The following HTR1F variants were observed in gnomAD, a reference collection of about 807,000 sequenced individuals.
The protein encoded by HTR1F is 5-hydroxytryptamine (serotonin) receptor 1F, G protein-coupled.
HTR1F carries 17 observed loss-of-function variants against 24.0 expected under a neutral mutation model. The observed-to-expected ratio is 0.71, with a 90% CI of 0.48 to 1.06. The LOEUF is 1.06. HTR1F is among the 50% of genes least tolerant of loss of function. The pLI, the probability that HTR1F is intolerant of heterozygous loss-of-function variation, is 0.00. For synonymous variants in HTR1F, 186 were observed against 156.8 expected (o/e 1.19, Z -1.39); for missense variants, 391 against 427.8 (o/e 0.91, Z 0.76).
At chr3:87,897,913 C>G (rs1458886498) in intron 2 of HTR1F, among the ~76,000 whole-genome samples, 3 of 152,036 alleles carry the variant, frequency 2.0e-5, no homozygotes, top group Non-Finnish European at 4.4e-5. Flanking sequence ...TTATACTTAT[C>G]TCACTATGTT....
At chr3:87,961,795 T>C (rs1040802989) in intron 2 of HTR1F, among the ~76,000 whole-genome samples, 10 of 120,486 alleles carry the variant, frequency 8.3e-5, no homozygotes, top group African/African-American at 4.2e-4. Context: ...AGAGAGGTAA[T>C]AAGATCTAAA....
chr3:87,822,559 G>A (rs778239543), intron 2 of HTR1F, among the ~76,000 whole-genome samples: 1 of 152,018 alleles, frequency 6.6e-6, no homozygotes, highest in African/African-American at 2.4e-5. Context: ...TATATAATTT[G>A]GCAGGGTGAT....
In HTR1F at chr3:87,818,692, A is replaced by G. The variant is rs567842920; in HGVS notation, c.-159-3316A>G. Among the ~76,000 whole-genome samples, 11 of 152,304 alleles carry G rather than the reference A, an allele frequency of 7.2e-5. No individual in the cohort carries two copies. In the East Asian group the frequency reaches 2.1e-3, roughly 29 times the overall value. On this transcript the variant is annotated intron_variant, in intron 1 of 2. Transcript: ENST00000319595. ...TTCCCCTGTTTACCCATCCACAGGTATATCTTATCAAGTCTAGAGGCCAAA... is the reference window on the plus strand; with the variant it reads ...TTCCCCTGTTTACCCATCCACAGGTGTATCTTATCAAGTCTAGAGGCCAAA...
intron 2 of HTR1F, among the ~76,000 whole-genome samples, chr3:87,915,985 C>T (rs981432701): frequency 6.6e-6 from 1 of 152,014 alleles, no homozygotes; most frequent in Non-Finnish European, 1.5e-5. Context: ...TAAAGGAAAA[C>T]CTATCAGATT....
At chr3:87,895,244 T>C (rs1274275359) in intron 2 of HTR1F, among the ~76,000 whole-genome samples, 6 of 152,158 alleles carry the variant, frequency 3.9e-5, no homozygotes, top group East Asian at 1.9e-4. Flanking sequence ...TGAAATAATA[T>C]GTGTGTAAAT....
rs1441715012 is a variant in HTR1F, at chr3:87,992,024, C to G, written c.*174C>G. ...TGTGAATATAAAAGTTATTGATCAC[C>G]ACTATTCTAGGGTATTCAAAATTAG... On this transcript the variant is annotated 3_prime_UTR_variant, in exon 3 of 3. Transcript: ENST00000319595. The G allele has an allele frequency of 5.8e-6, 3 of 514,590 alleles. No individual in the cohort carries two copies. The highest frequency in any genetic ancestry group is 2.0e-5 in the African/African-American group (1 of 50,714). The allele number at this position is 514,590 out of a possible 1,614,324, so 31.9% of individuals were successfully genotyped here. A position where few individuals can be genotyped will look rare whatever the true frequency, so the allele number is the denominator to read the frequency against.
At chr3:87,913,243 A>G (rs1703819957) in intron 2 of HTR1F, among the ~76,000 whole-genome samples, 1 of 152,156 alleles carries the variant, frequency 6.6e-6, no homozygotes, top group African/African-American at 2.4e-5. Flanking sequence ...ACATTAAAAG[A>G]CAGAAAATAG....
At chr3:87,908,155 A>T (rs1703705214) in intron 2 of HTR1F, among the ~76,000 whole-genome samples, 1 of 152,056 alleles carries the variant, frequency 6.6e-6, no homozygotes, top group South Asian at 2.1e-4. Flanking sequence ...CAGAGATTTT[A>T]TTCAAGTTGA....
chr3:87,931,638 T>C (rs1460197131), intron 2 of HTR1F, among the ~76,000 whole-genome samples: 1 of 152,134 alleles, frequency 6.6e-6, no homozygotes, highest in South Asian at 2.1e-4. Flanking sequence ...ACTTCCACAA[T>C]GGTTGAACTA....
intron 2 of HTR1F, among the ~76,000 whole-genome samples, chr3:87,969,104 C>T (rs972202688): frequency 2.0e-5 from 3 of 152,236 alleles, no homozygotes; most frequent in African/African-American, 7.2e-5. Context: ...TGGATGTCCA[C>T]CCAGAAGTTT....
chr3:87,910,450 A>G (rs182141813), intron 2 of HTR1F: 2 of 152,070 alleles, frequency 1.3e-5, no homozygotes, highest in African/African-American at 4.8e-5. Flanking sequence ...CACCCAACAC[A>G]GAAGCACCCA....
At chr3:87,921,760 C>T (rs1216834418) in intron 2 of HTR1F, among the ~76,000 whole-genome samples, 7 of 151,786 alleles carry the variant, frequency 4.6e-5, no homozygotes, top group South Asian at 2.1e-4. Flanking sequence ...AACAACTATT[C>T]GAATCTCTAC....
At chr3:87,817,710 C>G (rs559567695) in intron 1 of HTR1F, among the ~76,000 whole-genome samples, 21 of 152,162 alleles carry the variant, frequency 1.4e-4, no homozygotes, top group African/African-American at 3.6e-4. Context: ...CTTTTAGATG[C>G]CTTTACTCCA....
In HTR1F at chr3:87,815,799, A is replaced by G. The variant is rs78971997; in HGVS notation, c.-159-6209A>G. Among the ~76,000 whole-genome samples the G allele has an allele frequency of 6.8e-3, 1,035 of 152,190 alleles. 19 individuals carry two copies. Among genetic ancestry groups the G allele is most frequent in the African/African-American group, 0.024 (990 of 41,556 alleles). ...CTTATTCTTCATATAGCATATGGTA[A>G]TGTCTTAGTAGCATTCCTTCTAAAA... On this transcript the variant is annotated intron_variant, in intron 1 of 2. Coordinates refer to ENST00000319595, the MANE Select transcript of HTR1F (RefSeq NM_001322209.2).
At chr3:87,927,328 T>C (rs1399487180) in intron 2 of HTR1F, among the ~76,000 whole-genome samples, 2 of 151,434 alleles carry the variant, frequency 1.3e-5, no homozygotes, top group African/African-American at 4.9e-5. Context: ...TTCATGTTGA[T>C]TACAGAAAAA....
intron 2 of HTR1F, among the ~76,000 whole-genome samples, chr3:87,849,784 A>G (rs2107201672): frequency 6.6e-6 from 1 of 152,076 alleles, no homozygotes; most frequent in South Asian, 2.1e-4. Context: ...AACCCCATCA[A>G]AAAGTGGGCG....
chr3:87,908,289 CTTAAA>C (rs1013058497), intron 2 of HTR1F, among the ~76,000 whole-genome samples: 2 of 151,842 alleles, frequency 1.3e-5, no homozygotes, highest in South Asian at 2.1e-4. Context: ...ATTGATATCA[CTTAAA>C]TTAAAAACCA....
chr3:87,963,987 C>T (rs1212536795), intron 2 of HTR1F, among the ~76,000 whole-genome samples: 3 of 152,040 alleles, frequency 2.0e-5, no homozygotes, highest in African/African-American at 7.2e-5. Flanking sequence ...CATTTATCTC[C>T]AGGAACTTTC....
chr3:87,885,712 C>T (rs1299854144), intron 2 of HTR1F, among the ~76,000 whole-genome samples: 4 of 152,122 alleles, frequency 2.6e-5, no homozygotes, highest in Non-Finnish European at 5.9e-5. Flanking sequence ...CTATAAACAC[C>T]TCTATGCAAA....
Sources: allele counts gnomAD v4.1 joint callset (sites outside exome capture counted in the v4.1 genomes callset), GRCh38; gene constraint gnomAD v4.1.1; transcripts MANE v1.5; gene names NCBI Gene and HGNC (gene_info 2026-07-23, HGNC 2026-07-21).